Variants in KCNU1 observed in about 807,000 individuals in gnomAD.
KCNU1 encodes potassium channel subfamily U member 1.
In KCNU1, 93 loss-of-function variants were observed where a neutral mutation model predicts 126.8. That is an observed-to-expected ratio of 0.73 (90% CI 0.62 to 0.87). The LOEUF (loss-of-function observed/expected upper bound fraction) is 0.87, where lower values mean the gene tolerates loss of function less well. KCNU1 is among the 40% of genes least tolerant of loss of function. KCNU1 has a pLI of 0.00. For missense variants in KCNU1, 1,330 were observed against 1,367.1 expected (o/e 0.97, Z 0.43); for synonymous variants, 523 against 494.2 (o/e 1.06, Z -0.77).
At position 36,803,480 on chromosome 8, in the gene KCNU1, G is replaced by A. The variant is rs189167466; in HGVS notation, c.316-547G>A. Among the ~76,000 whole-genome samples, 5 of 149,816 alleles carry A rather than the reference G, an allele frequency of 3.3e-5. No homozygotes were observed. The East Asian group carries it at 9.7e-4, about 29-fold the overall frequency. ...GATACCCTATTTTACAGAGGCACTG[G>A]CATGGTAAAAAAAATCACCTTCTTC... is the stretch of plus-strand genomic sequence containing the variant. On this transcript the variant is annotated intron_variant, in intron 2 of 26. Coordinates refer to ENST00000399881, the MANE Select transcript of KCNU1 (RefSeq NM_001031836.3).
At chr8:36,877,189 G>C (rs1806306093) in intron 19 of KCNU1, among the ~76,000 whole-genome samples, 1 of 152,112 alleles carries the variant, frequency 6.6e-6, no homozygotes, top group Admixed American at 6.5e-5. Context: ...TTGGGGTAAG[G>C]ATTCATAGAA....
At chr8:36,847,029 G>A (rs922135581) in intron 18 of KCNU1, among the ~76,000 whole-genome samples, 2 of 152,064 alleles carry the variant, frequency 1.3e-5, no homozygotes, top group Non-Finnish European at 2.9e-5. Context: ...GATTTCTCCT[G>A]AGGTTCCTCA....
intron 19 of KCNU1, among the ~76,000 whole-genome samples, chr8:36,887,447 T>TG (rs1806753413): frequency 6.7e-6 from 1 of 150,238 alleles, no homozygotes; most frequent in Non-Finnish European, 1.5e-5. Context: ...CATTTGTTTT[T>TG]TTTTGTTTTT....
intron 16 of KCNU1, 118 bp downstream of exon 16, chr8:36,841,121 T>C: frequency 1.4e-6 from 1 of 711,564 alleles, no homozygotes; most frequent in Non-Finnish European, 2.4e-6. Flanking sequence ...TTTTTCCCTT[T>C]GGTGGATTGG....
chr8:36,798,210 T>C (rs1803177436), intron 2 of KCNU1, among the ~76,000 whole-genome samples: 1 of 152,168 alleles, frequency 6.6e-6, no homozygotes, highest in South Asian at 2.1e-4. Flanking sequence ...AGGACTAAGC[T>C]CTGATTATTT....
At chr8:36,928,764 T>C (rs1429249029) in intron 24 of KCNU1, 2 of 471,528 alleles carry the variant, frequency 4.2e-6, no homozygotes, top group East Asian at 3.5e-5. Flanking sequence ...ATGAGTCTTA[T>C]GCAGACACAG....
chr8:36,874,303 A>T (rs1378873060), intron 19 of KCNU1, among the ~76,000 whole-genome samples: 2 of 151,886 alleles, frequency 1.3e-5, no homozygotes, highest in African/African-American at 4.8e-5. Flanking sequence ...TGTGGAAATC[A>T]TTTTTTTTCC....
intron 7 of KCNU1, among the ~76,000 whole-genome samples, chr8:36,812,378 CAAAA>C (rs765551359): frequency 3.6e-5 from 3 of 83,608 alleles, no homozygotes; most frequent in Non-Finnish European, 5.3e-5. Flanking sequence ...AGACTCCTCT[CAAAA>C]AAAAAAAAAA....
chr8:36,930,914 C>G, intron 24 of KCNU1, 37 bp from the exon 25 acceptor site: 1 of 1,516,338 alleles, frequency 6.6e-7, no homozygotes, highest in Non-Finnish European at 9.0e-7. Context: ...CATATTGGCT[C>G]TTCTGACTTT....
intron 19 of KCNU1, among the ~76,000 whole-genome samples, chr8:36,890,277 A>G (rs1301098803): frequency 6.6e-6 from 1 of 152,124 alleles, no homozygotes; most frequent in Non-Finnish European, 1.5e-5. Context: ...GACTTAAAAT[A>G]TAACTGTTTA....
intron 10 of KCNU1, among the ~76,000 whole-genome samples, chr8:36,821,049 A>G (rs1804105236): frequency 1.3e-5 from 2 of 152,182 alleles, no homozygotes; most frequent in South Asian, 4.1e-4. Context: ...TAGCAGCCCT[A>G]CCAACTTGAA....
At chr8:36,878,471 C>T (rs1428774460) in intron 19 of KCNU1, among the ~76,000 whole-genome samples, 2 of 152,148 alleles carry the variant, frequency 1.3e-5, no homozygotes, top group African/African-American at 4.8e-5. Context: ...GAAGTCATAT[C>T]CCTGCTCACA....
At chr8:36,842,347 A>G (rs1804988109) in intron 16 of KCNU1, among the ~76,000 whole-genome samples, 1 of 152,254 alleles carries the variant, frequency 6.6e-6, no homozygotes, top group Non-Finnish European at 1.5e-5. Flanking sequence ...TTGACAGGAT[A>G]TAGAAAGCAT....
intron 24 of KCNU1, among the ~76,000 whole-genome samples, chr8:36,929,708 G>T (rs1808641786): frequency 6.6e-6 from 1 of 152,150 alleles, no homozygotes; most frequent in Admixed American, 6.6e-5. Flanking sequence ...AGATTAACGT[G>T]CCCCAGAGGG....
intron 7 of KCNU1, among the ~76,000 whole-genome samples, chr8:36,812,015 G>GAT (rs922269976): frequency 1.3e-5 from 2 of 152,074 alleles, no homozygotes; most frequent in African/African-American, 4.8e-5. Flanking sequence ...AGTGAGCTGA[G>GAT]ATCATGTCAC....
chr8:36,925,207 C>T (rs981944582), intron 24 of KCNU1, among the ~76,000 whole-genome samples: 3 of 152,120 alleles, frequency 2.0e-5, no homozygotes, highest in Admixed American at 6.6e-5. Flanking sequence ...ATAGTGTGAC[C>T]TAAAAGTGAG....
chr8:36,866,335 G>A (rs1805909883), intron 19 of KCNU1, among the ~76,000 whole-genome samples: 1 of 152,048 alleles, frequency 6.6e-6, no homozygotes, highest in South Asian at 2.1e-4. Flanking sequence ...AAATTTTCCT[G>A]TACCCTCCCA....
intron 19 of KCNU1, among the ~76,000 whole-genome samples, chr8:36,874,597 G>A (rs1454378778): frequency 6.6e-6 from 1 of 152,124 alleles, no homozygotes; most frequent in Non-Finnish European, 1.5e-5. Context: ...CATCCCATGA[G>A]GAGTGTTTGG....
chr8:36,918,683 A>G, intron 22 of KCNU1, 140 bp from the exon 23 acceptor site: 1 of 639,286 alleles, frequency 1.6e-6, no homozygotes, highest in Non-Finnish European at 2.8e-6. Context: ...TTTTGTCTAA[A>G]CATAGTAAAG....
Sources: allele counts gnomAD v4.1 joint callset (sites outside exome capture counted in the v4.1 genomes callset), GRCh38; gene constraint gnomAD v4.1.1; transcripts MANE v1.5; gene names NCBI Gene and HGNC (gene_info 2026-07-23, HGNC 2026-07-21).